Variants in ARSF observed in about 807,000 individuals in gnomAD.
ARSF encodes the protein arylsulfatase F.
In ARSF, 33 loss-of-function variants were observed where a neutral mutation model predicts 35.4. The observed-to-expected ratio is 0.93, with a 90% confidence interval of 0.71 to 1.25. The LOEUF (loss-of-function observed/expected upper bound fraction) is 1.25. Among genes scored for constraint, ARSF ranks in the 50% most tolerant of loss-of-function variants. ARSF has a pLI of 0.00. For missense variants in ARSF, 501 were observed against 480.2 expected (o/e 1.04, Z -0.40); for synonymous variants, 222 against 193.1 (o/e 1.15, Z -1.24).
upstream of ARSF, among the ~76,000 whole-genome samples, chrX:3,040,344 G>A (rs1178624054): frequency 1.8e-5 from 2 of 110,965 alleles, no homozygotes; most frequent in Non-Finnish European, 3.8e-5. Flanking sequence ...TGGAACCGGT[G>A]AGTCCTCTGC....
At chrX:3,052,777 T>C (rs1310264684) in intron 1 of ARSF, among the ~76,000 whole-genome samples, 2 of 111,344 alleles carry the variant, frequency 1.8e-5, no homozygotes, top group African/African-American at 6.5e-5. Flanking sequence ...CCTTTTTTTA[T>C]GCATACGCCT....
At chrX:3,056,005 A>G (rs1427554644) in intron 1 of ARSF, among the ~76,000 whole-genome samples, 1 of 111,828 alleles carries the variant, frequency 8.9e-6, no homozygotes, top group East Asian at 2.8e-4. Flanking sequence ...GGGCTGTAGA[A>G]CAGTGGTGGA....
chrX:3,086,339 C>T (rs1302166661), intron 6 of ARSF, among the ~76,000 whole-genome samples: 1 of 112,417 alleles, frequency 8.9e-6, no homozygotes, highest in Non-Finnish European at 1.9e-5. Flanking sequence ...ACCAAAACCT[C>T]TGTCGAGTTT....
In ARSF at chrX:3,076,803, G is replaced by A. The variant is rs185414035; in HGVS notation, c.283+134G>A. 9.5e-4 allele frequency: 874 copies of A among 921,243 alleles called. 6 individuals carry two copies. The African/African-American group carries it at 0.015, about 16-fold the overall frequency. The allele number at this position is 921,243 out of a possible 1,213,427, so 75.9% of individuals were successfully genotyped here. The stretch of plus-strand genomic sequence containing the variant: ...CTCACGCCTGTAATCCCAGAACTTC[G>A]GGAGGCCAAGGTGGGAGGATTGCTT... On this transcript the variant is annotated intron_variant, in intron 4 of 10. Transcript: ENST00000381127.
chrX:3,083,506 C>G (rs982853078), intron 5 of ARSF, among the ~76,000 whole-genome samples: 2 of 60,931 alleles, frequency 3.3e-5, no homozygotes, highest in Non-Finnish European at 5.9e-5. Flanking sequence ...ATCTATCTAT[C>G]TATCTATCTA....
chrX:3,067,328 C>T (rs1029740921), intron 1 of ARSF, among the ~76,000 whole-genome samples: 1 of 111,290 alleles, frequency 9.0e-6, no homozygotes, highest in African/African-American at 3.3e-5. Context: ...CATTGTAATG[C>T]ATTTGGCTGT....
chrX:3,103,682 A>G, intron 8 of ARSF, 80 bp from the exon 9 acceptor site: 1 of 1,113,595 alleles, frequency 9.0e-7, no homozygotes, highest in Non-Finnish European at 1.2e-6. Flanking sequence ...TTTTGATACT[A>G]GCTTACCTTT....
chrX:3,059,443 T>G (rs1311192091), intron 1 of ARSF, among the ~76,000 whole-genome samples: 1 of 112,188 alleles, frequency 8.9e-6, no homozygotes, highest in Non-Finnish European at 1.9e-5. Flanking sequence ...TGGGACTGGT[T>G]GGACAGTGGG....
At chrX:3,061,738 A>G (rs1236759006) in intron 1 of ARSF, among the ~76,000 whole-genome samples, 1 of 112,078 alleles carries the variant, frequency 8.9e-6, no homozygotes, top group Non-Finnish European at 1.9e-5. Context: ...GATCAATTCA[A>G]CAAGAAGACC....
chrX:3,045,904 C>T (rs752472492), intron 1 of ARSF, among the ~76,000 whole-genome samples: 11 of 105,998 alleles, frequency 1.0e-4, no homozygotes, highest in East Asian at 3.0e-4. Context: ...TTTTTTGAGA[C>T]GGAGTTTCAC....
At chrX:3,105,621 C>T (rs1260604820) in intron 9 of ARSF, among the ~76,000 whole-genome samples, 1 of 110,890 alleles carries the variant, frequency 9.0e-6, no homozygotes, top group African/African-American at 3.3e-5. Flanking sequence ...CCGGCCACCA[C>T]GCCTGGGTAA....
chrX:3,087,826 T>A (rs745803784), intron 6 of ARSF, among the ~76,000 whole-genome samples: 1 of 110,817 alleles, frequency 9.0e-6, no homozygotes, highest in African/African-American at 3.3e-5. Context: ...CATTATTGGA[T>A]TGGGGACTCA....
At position 3,103,816 on chromosome X, in the gene ARSF, G is replaced by A. The variant is rs758995690; in HGVS notation, c.1157G>A (p.Arg386Gln). 1.2e-5 allele frequency: 14 copies of A among 1,209,944 alleles called. No individual in the cohort carries two copies. The African/African-American group carries it at 1.6e-4, about 14-fold the overall frequency. ...GGAATCCGCGTCCCAGGAATTGTCC[G>A]ATGGCCTGGAAAGGTACCAGCTGGA... is the stretch of plus-strand genomic sequence containing the variant. ...EGGIRVPGIVRWPGKVPAGRL... is the reference protein window; with the variant it reads ...EGGIRVPGIVQWPGKVPAGRL... The change falls in exon 9 of 11, where the codon CGA (arginine) becomes CAA (glutamine). Residue 386 changes from arginine (R) to glutamine (Q), a missense_variant. Transcript: ENST00000381127.
chrX:3,071,291 TTTGTTGTTG>T (rs561564476), intron 2 of ARSF, among the ~76,000 whole-genome samples: 374 of 110,204 alleles, frequency 3.4e-3, no homozygotes, highest in Non-Finnish European at 5.4e-3. Context: ...GCAAGTGTCT[TTTGTTGTTG>T]TTGTTGTTGT....
chrX:3,100,529 A>G (rs769681639), intron 7 of ARSF, among the ~76,000 whole-genome samples: 4 of 112,919 alleles, frequency 3.5e-5, no homozygotes, highest in African/African-American at 9.6e-5. Context: ...TTGTATTGCC[A>G]TAATATTTTT....
intron 7 of ARSF, among the ~76,000 whole-genome samples, chrX:3,092,977 CCTGGTTAACA>C (rs1319791158): frequency 9.0e-6 from 1 of 111,668 alleles, no homozygotes; most frequent in African/African-American, 3.3e-5. Context: ...TCAAAACCAT[CCTGGTTAACA>C]CTGTGAAACC....
chrX:3,073,055 TTAAA>T (rs1367551962), intron 3 of ARSF, among the ~76,000 whole-genome samples: 2 of 100,088 alleles, frequency 2.0e-5, no homozygotes, highest in South Asian at 8.3e-4. Flanking sequence ...ATAAATATAT[TTAAA>T]TAAATATATA....
At chrX:3,087,711 T>C (rs2090258091) in intron 6 of ARSF, among the ~76,000 whole-genome samples, 1 of 111,862 alleles carries the variant, frequency 8.9e-6, no homozygotes, top group Non-Finnish European at 1.9e-5. Flanking sequence ...CTGCCTCCTC[T>C]AGCTCCTGGT....
At chrX:3,112,150 A>G (rs763599193) in intron 10 of ARSF, 24 bp from the exon 11 acceptor site, 2 of 1,164,059 alleles carry the variant, frequency 1.7e-6, no homozygotes, top group South Asian at 1.9e-5. Flanking sequence ...GCATCATTTG[A>G]CGAGTCTCTC....
Sources: allele counts gnomAD v4.1 joint callset (sites outside exome capture counted in the v4.1 genomes callset), GRCh38; gene constraint gnomAD v4.1.1; transcripts MANE v1.5; gene names NCBI Gene and HGNC (gene_info 2026-07-23, HGNC 2026-07-21).